Variants in FCGR2B observed in about 807,000 individuals in gnomAD.
The protein encoded by FCGR2B is Fc gamma receptor IIb.
In FCGR2B, 18 loss-of-function variants were observed where a neutral mutation model predicts 24.8. The observed-to-expected ratio is 0.73, with a 90% CI of 0.50 to 1.08. FCGR2B has a LOEUF of 1.08. FCGR2B is among the 50% of genes least tolerant of loss of function. The pLI, the probability that FCGR2B is intolerant of heterozygous loss-of-function variation, is 0.00. For synonymous variants in FCGR2B, 79 were observed against 109.8 expected (o/e 0.72, Z 1.75); for missense variants, 215 against 297.6 (o/e 0.72, Z 2.04).
chr1:161,653,177 G>A, the FCGR2B span, among the ~76,000 whole-genome samples: 2 of 133,992 alleles, frequency 1.5e-5, no homozygotes, highest in Non-Finnish European at 3.4e-5. Context: ...GCTGAGGCAG[G>A]TGGATCACCT....
At chr1:161,649,475 G>A in the FCGR2B span, among the ~76,000 whole-genome samples, 3 of 150,966 alleles carry the variant, frequency 2.0e-5, no homozygotes, top group Non-Finnish European at 4.4e-5. Flanking sequence ...TGTGATGGTG[G>A]CAGAAGTTTA....
At chr1:161,654,847 G>A in the FCGR2B span, among the ~76,000 whole-genome samples, 1 of 138,538 alleles carries the variant, frequency 7.2e-6, no homozygotes, top group Admixed American at 7.3e-5. Flanking sequence ...TTCAAGAAAA[G>A]TTATCACTTT....
intron 6 of FCGR2B, chr1:161,676,331 G>A (rs562986445): frequency 0.13 from 24,248 of 193,238 alleles, 1,992 homozygotes; most frequent in African/African-American, 0.22. Context: ...TCGCATGTCT[G>A]CTGGCCAGGC....
At chr1:161,650,070 T>C in the FCGR2B span, among the ~76,000 whole-genome samples, 8 of 150,518 alleles carry the variant, frequency 5.3e-5, no homozygotes, top group African/African-American at 2.0e-4. Flanking sequence ...TGCAGTGGCA[T>C]GATCTCTGTT....
chr1:161,647,275 C>T, the FCGR2B span, among the ~76,000 whole-genome samples: 410 of 146,966 alleles, frequency 2.8e-3, 8 homozygotes, highest in Middle Eastern at 0.011. Context: ...AGTGCAGCCC[C>T]GGGTTCTCTT....
chr1:161,652,210 A>T, the FCGR2B span, among the ~76,000 whole-genome samples: 1 of 132,218 alleles, frequency 7.6e-6, no homozygotes, highest in East Asian at 2.0e-4. Context: ...TTCTTTCTCT[A>T]TTCTCTGGGA....
At chr1:161,654,381 TTG>T in the FCGR2B span, among the ~76,000 whole-genome samples, 1 of 136,866 alleles carries the variant, frequency 7.3e-6, no homozygotes, top group African/African-American at 2.5e-5. Flanking sequence ...GTTGTTGTTG[TTG>T]TTGTTTTTTC....
chr1:161,672,933 C>A, intron 3 of FCGR2B, 42 bp from the exon 4 acceptor site: 1 of 1,611,760 alleles, frequency 6.2e-7, no homozygotes, highest in African/African-American at 1.3e-5. Context: ...CAGAGCTGAG[C>A]CAAGACCTCC....
At chr1:161,661,219 A>G (rs1469293892), upstream of FCGR2B, among the ~76,000 whole-genome samples, 3 of 118,878 alleles carry the variant, frequency 2.5e-5, no homozygotes, top group South Asian at 2.8e-4. Context: ...AGAAAGAAAG[A>G]AAGAAAGAAA....
intron 6 of FCGR2B, chr1:161,676,466 C>T (rs187177670): frequency 7.0e-4 from 124 of 178,350 alleles, no homozygotes; most frequent in African/African-American, 2.7e-3. Context: ...GCACATTTCA[C>T]AAGGCACTTT....
At chr1:161,647,366 T>C in the FCGR2B span, among the ~76,000 whole-genome samples, 1 of 148,584 alleles carries the variant, frequency 6.7e-6, no homozygotes, top group Admixed American at 6.8e-5. Context: ...AGTAGTGTGA[T>C]TTCGGCTCAC....
intron 1 of FCGR2B, among the ~76,000 whole-genome samples, chr1:161,669,560 A>G (rs1384225563): frequency 7.2e-6 from 1 of 139,016 alleles, no homozygotes; most frequent in African/African-American, 2.5e-5. Context: ...ACAGAGTGAG[A>G]CCCTGTCCCC....
chr1:161,647,518 C>T, the FCGR2B span, among the ~76,000 whole-genome samples: 1 of 150,436 alleles, frequency 6.6e-6, no homozygotes, highest in East Asian at 1.9e-4. Flanking sequence ...CCAGGCTGGT[C>T]TTGAACTCCT....
At chr1:161,656,175 A>T in the FCGR2B span, among the ~76,000 whole-genome samples, 12 of 143,134 alleles carry the variant, frequency 8.4e-5, no homozygotes, top group East Asian at 2.1e-3. Flanking sequence ...TAATTCTACG[A>T]CTTTCTGCTC....
chr1:161,677,658 C>A lies in FCGR2B; in HGVS notation c.*105C>A. 1.1e-6 allele frequency: 1 copy of A among 887,318 alleles called. No individual in the cohort carries two copies. Among genetic ancestry groups the A allele is most frequent in the Non-Finnish European group, 1.8e-6 (1 of 559,338 alleles). 55.0% of individuals were successfully genotyped at this position (887,318 alleles called of 1,614,324 possible). ...GGGAGGACAGGGAGATGCTGCAGTT[C>A]CAAAAGAGAAGGTTTCTTCCAGAGT... On this transcript the variant is annotated 3_prime_UTR_variant, in exon 8 of 8. Coordinates refer to ENST00000358671, the MANE Select transcript of FCGR2B (RefSeq NM_001394477.1).
intron 6 of FCGR2B, chr1:161,675,742 G>T (rs1682070017): frequency 4.2e-6 from 1 of 236,656 alleles, no homozygotes; most frequent in Non-Finnish European, 8.3e-6. Flanking sequence ...CCCTTGATTT[G>T]CTGAGGAATC....
chr1:161,661,361 C>T (rs1297583095), upstream of FCGR2B, among the ~76,000 whole-genome samples: 7 of 131,550 alleles, frequency 5.3e-5, no homozygotes, highest in East Asian at 2.6e-4. Flanking sequence ...GCCAATTTAC[C>T]GAGAGCAAGA....
At position 161,674,008 on chromosome 1, in the gene FCGR2B, T is replaced by C. The variant is rs1050501; in HGVS notation, c.695T>C (p.Ile232Thr). ...ATCATTGTGGCTGTGGTCACTGGGATTGCTGTAGCGGCCATTGTTGCTGCT... is the reference window on the plus strand; with the variant it reads ...ATCATTGTGGCTGTGGTCACTGGGACTGCTGTAGCGGCCATTGTTGCTGCT... Reference protein sequence around the residue: ...MGIIVAVVTGIAVAAIVAAVV... With the variant: ...MGIIVAVVTGTAVAAIVAAVV... Residue 232 changes from isoleucine to threonine, a missense_variant, in exon 5 of 8, where the codon ATT becomes ACT. Ile to Thr is a moderately conservative substitution (Grantham distance 89). Transcript: ENST00000358671. 0.15 allele frequency: 76,978 copies of C among 517,608 alleles called. 5,231 individuals are homozygous for C. Among genetic ancestry groups the C allele is most frequent in the African/African-American group, 0.27 (9,745 of 36,608 alleles). The allele number at this position is 517,608 out of a possible 1,614,324, so 32.1% of individuals were successfully genotyped here. A position where few individuals can be genotyped will look rare whatever the true frequency, so the allele number is the denominator to read the frequency against.
rs1681655150 is a variant in FCGR2B, at chr1:161,671,487, C to T, written c.229C>T (p.Pro77Ser). ...TCTGACATGCCGGGGGACTCACAGC[C>T]CTGAGAGCGACTCCATTCAGTGGTT... ...VTLTCRGTHS[P>S]ESDSIQWFHN... Residue 77 changes from proline to serine, a missense_variant, in exon 3 of 8, where the codon CCT (proline) becomes TCT (serine). Coordinates refer to ENST00000358671, the MANE Select transcript of FCGR2B (RefSeq NM_001394477.1). The T allele has an allele frequency of 6.2e-7, 1 of 1,614,200 alleles. No individual in the cohort carries two copies. The highest frequency in any genetic ancestry group is 8.5e-7 in the Non-Finnish European group (1 of 1,180,044).
Sources: allele counts gnomAD v4.1 joint callset (sites outside exome capture counted in the v4.1 genomes callset), GRCh38; gene constraint gnomAD v4.1.1; transcripts MANE v1.5; gene names NCBI Gene and HGNC (gene_info 2026-07-23, HGNC 2026-07-21).